The following MRPL40 variants were observed in gnomAD, a reference collection of about 807,000 sequenced individuals.
The protein encoded by MRPL40 is large ribosomal subunit protein mL40.
In MRPL40, 18 loss-of-function variants were observed where a neutral mutation model predicts 24.5. The ratio of observed to expected loss-of-function variants is 0.73; its 90% CI spans 0.51 to 1.09. The LOEUF (loss-of-function observed/expected upper bound fraction) is 1.09. Among genes scored for constraint, MRPL40 ranks in the 50% least tolerant of loss-of-function variants. The pLI is 0.00. For missense variants in MRPL40, 256 were observed against 243.8 expected (o/e 1.05, Z -0.33); for synonymous variants, 108 against 94.6 (o/e 1.14, Z -0.82).
rs925869426 is a variant in MRPL40 at position 19,433,375 on chromosome 22, C to G, written c.137+27C>G. ...TAAAACTCAATCGAGGGCCTGACCT[C>G]TGGGGGTAAAGGTGTCAGTCTATGT... On this transcript the variant is annotated intron_variant, in intron 2 of 3. Coordinates refer to ENST00000333130, the MANE Select transcript of MRPL40 (RefSeq NM_003776.4). The G allele has an allele frequency of 1.8e-5, 26 of 1,419,664 alleles. No individual in the cohort carries two copies. In the East Asian group the frequency reaches 5.7e-4, roughly 31 times the overall value. The allele number at this position is 1,419,664 out of a possible 1,614,324, so 87.9% of individuals were successfully genotyped here.
chr22:19,436,035 A>G lies in MRPL40; in HGVS notation c.*73A>G. The G allele has an allele frequency of 8.3e-7, 1 of 1,210,450 alleles. No homozygotes were observed. The highest frequency in any genetic ancestry group is 1.2e-6 in the Non-Finnish European group (1 of 848,298). 75.0% of individuals were successfully genotyped at this position (1,210,450 alleles called of 1,614,324 possible). A position where few individuals can be genotyped will look rare whatever the true frequency, so the allele number is the denominator to read the frequency against. On this transcript the variant is annotated 3_prime_UTR_variant, in exon 4 of 4. Transcript: ENST00000333130. Reference sequence around the variant, plus strand: ...ACCAGGGTTCAAGTCTGCTTTCCACAGAATCAGGCATGCTGTTAATAAATA... The same window carrying G: ...ACCAGGGTTCAAGTCTGCTTTCCACGGAATCAGGCATGCTGTTAATAAATA...
At position 19,434,761 on chromosome 22, in the gene MRPL40, A is replaced by G. The variant is rs759281616; in HGVS notation, c.163A>G (p.Lys55Glu). The G allele has an allele frequency of 1.6e-5, 26 of 1,593,792 alleles. No individual in the cohort carries two copies. Among genetic ancestry groups the G allele is most frequent in the Middle Eastern group, 3.4e-4 (2 of 5,850 alleles). The change falls in exon 3 of 4, where the codon AAG becomes GAG. Residue 55 changes from lysine to glutamate, a missense_variant. Physicochemically the swap from Lys to Glu is moderately conservative, Grantham distance 56 (BLOSUM62 1). Coordinates refer to ENST00000333130, the MANE Select transcript of MRPL40 (RefSeq NM_003776.4). ...ATCAGAACCTCTTCGAAAAAAGAAGAAGGTAGATCCTAAAAAAGACCAAGA... is the reference window on the plus strand; with the variant it reads ...ATCAGAACCTCTTCGAAAAAAGAAGGAGGTAGATCCTAAAAAAGACCAAGA... ...MRSEPLRKKK[K>E]VDPKKDQEAK...
In MRPL40 at chr22:19,432,591, C is replaced by T; in HGVS notation, c.37C>T (p.Leu13=). 1 of 1,554,226 alleles carries T rather than the reference C, an allele frequency of 6.4e-7. No individual in the cohort carries two copies. The highest frequency in any genetic ancestry group is 1.9e-5 in the Admixed American group (1 of 51,906). Reference sequence around the variant, plus strand: ...CGTGCTGCGAAGTATCTCGCTAGCCCTGCGCCCGACTAGCGGGTGAGTGCG... The same window carrying T: ...CGTGCTGCGAAGTATCTCGCTAGCCTTGCGCCCGACTAGCGGGTGAGTGCG... ...ASVLRSISLA[L]RPTSGLLGTW... is the part of the protein sequence containing the mutation. The change falls in exon 1 of 4, where the codon CTG becomes TTG. Residue 13 remains leucine, a synonymous_variant. Coordinates refer to ENST00000333130, the MANE Select transcript of MRPL40 (RefSeq NM_003776.4).
At chr22:19,432,798 CCTCTGTGGTCTGAACGAAAGATT>C (rs537645020) in intron 1 of MRPL40, 191 bp downstream of exon 1, 1 of 1,374,064 alleles carries the variant, frequency 7.3e-7, no homozygotes, top group South Asian at 1.7e-5. Flanking sequence ...CTGCTTAAGT[CCTCTGTGGTCTGAACGAAAGATT>C]TTGAAAAACC....
chr22:19,432,895 A>G, intron 1 of MRPL40: 2 of 1,282,584 alleles, frequency 1.6e-6, no homozygotes, highest in East Asian at 3.2e-5. Context: ...GAGCATTGCA[A>G]TTTTTTATTT....
chr22:19,433,521 G>GT (rs1272679969), intron 2 of MRPL40, among the ~76,000 whole-genome samples, 173 bp downstream of exon 2: 4 of 152,184 alleles, frequency 2.6e-5, no homozygotes, highest in African/African-American at 9.7e-5. Flanking sequence ...ACCATAGATT[G>GT]TTGTTTGTAA....
intron 1 of MRPL40, 176 bp downstream of exon 1, chr22:19,432,783 C>G (rs12165902): frequency 0.14 from 187,691 of 1,386,158 alleles, 16,410 homozygotes; most frequent in African/African-American, 0.41. Flanking sequence ...TGGCGAGCAG[C>G]GGTCCTGCTT....
At chr22:19,432,676 A>G in intron 1 of MRPL40, 69 bp downstream of exon 1, 9 of 1,492,050 alleles carry the variant, frequency 6.0e-6, no homozygotes, top group African/African-American at 1.4e-5. Context: ...ACTGTCCGCC[A>G]GGACTCGCCT....
At position 19,435,857 on chromosome 22, in the gene MRPL40, G is replaced by A. The variant is rs375750071; in HGVS notation, c.516G>A (p.Glu172=). Reference sequence around the variant, plus strand: ...GGGATCCTAACCTGTTCCCCTTTGAGAAGGAAGGGCCACATTACACACCAC... The same window carrying A: ...GGGATCCTAACCTGTTCCCCTTTGAAAAGGAAGGGCCACATTACACACCAC... ...IKRDPNLFPF[E]KEGPHYTPPI... is the part of the protein sequence containing the mutation. Residue 172 remains glutamate (E), a synonymous_variant, in exon 4 of 4, where the codon GAG becomes GAA. Transcript: ENST00000333130. 14 of 1,614,092 alleles carry A rather than the reference G, an allele frequency of 8.7e-6. No homozygotes were observed. The highest frequency in any genetic ancestry group is 1.2e-5 in the Non-Finnish European group (14 of 1,180,048).
intron 1 of MRPL40, 123 bp from the exon 2 acceptor site, chr22:19,433,142 G>A (rs1019242614): frequency 1.6e-6 from 1 of 616,374 alleles, no homozygotes; most frequent in African/African-American, 1.9e-5. Context: ...GGCCAGGCTG[G>A]TCTTGAACTC....
In MRPL40 at chr22:19,432,681, T is replaced by A. The variant is rs1235875457; in HGVS notation, c.53+74T>A. ...GGTCTTCGCGACTGTCCGCCAGGACTCGCCTGTGCTCCCTGCTCGCCTCCC... is the reference window on the plus strand; with the variant it reads ...GGTCTTCGCGACTGTCCGCCAGGACACGCCTGTGCTCCCTGCTCGCCTCCC... On this transcript the variant is annotated intron_variant, in intron 1 of 3. Coordinates refer to ENST00000333130, the MANE Select transcript of MRPL40 (RefSeq NM_003776.4). The A allele has an allele frequency of 2.0e-6, 3 of 1,479,098 alleles. No individual in the cohort carries two copies. The African/African-American group carries it at 4.3e-5, about 21-fold the overall frequency. 91.6% of individuals were successfully genotyped at this position (1,479,098 alleles called of 1,614,324 possible). A position where few individuals can be genotyped will look rare whatever the true frequency, so the allele number is the denominator to read the frequency against.
Position 19,434,716 on chromosome 22 carries a change from A to G in MRPL40, c.138-20A>G, listed in dbSNP as rs1265927322. 2 of 1,569,186 alleles carry G rather than the reference A, an allele frequency of 1.3e-6. No homozygotes were observed. Among genetic ancestry groups the G allele is most frequent in the South Asian group, 2.4e-5 (2 of 83,854 alleles). On this transcript the variant is annotated intron_variant, in intron 2 of 3. Coordinates refer to ENST00000333130, the MANE Select transcript of MRPL40 (RefSeq NM_003776.4). The stretch of plus-strand genomic sequence containing the variant: ...ATGAGACCAAAGAGGAAAATGTTTA[A>G]TATTTGCTTTATCTATTAGATCAGA...
In MRPL40 at chr22:19,435,992, C is replaced by T; in HGVS notation, c.*30C>T. 2 of 1,560,732 alleles carry T rather than the reference C, an allele frequency of 1.3e-6. No individual in the cohort carries two copies. Among genetic ancestry groups the T allele is most frequent in the Non-Finnish European group, 1.8e-6 (2 of 1,139,690 alleles). ...GCAGGCTGCTATCCTTAACATGCTG[C>T]CCCTGAGAGTAGGAATGACCAGGGT... On this transcript the variant is annotated 3_prime_UTR_variant, in exon 4 of 4. Coordinates refer to ENST00000333130, the MANE Select transcript of MRPL40 (RefSeq NM_003776.4).
chr22:19,432,779 G>A lies in MRPL40; in HGVS notation c.53+172G>A, dbSNP rs558430214. The A allele has an allele frequency of 1.5e-4, 203 of 1,389,420 alleles. 2 individuals carry two copies. The South Asian group carries it at 3.1e-3, about 21-fold the overall frequency. 86.1% of individuals were successfully genotyped at this position (1,389,420 alleles called of 1,614,324 possible). ...CATGAAAATCTGAGCACCCTGGCGA[G>A]CAGCGGTCCTGCTTAAGTCCTCTGT... is the stretch of plus-strand genomic sequence containing the variant. On this transcript the variant is annotated intron_variant, in intron 1 of 3. Coordinates refer to ENST00000333130, the MANE Select transcript of MRPL40 (RefSeq NM_003776.4).
intron 2 of MRPL40, 26 bp from the exon 3 acceptor site, chr22:19,434,710 T>C (rs2089575352): frequency 6.4e-7 from 1 of 1,561,060 alleles, no homozygotes; most frequent in South Asian, 1.2e-5. Context: ...AAGAGGAAAA[T>C]GTTTAATATT....
chr22:19,434,863 A>G lies in MRPL40; in HGVS notation c.265A>G (p.Ile89Val). The change falls in exon 3 of 4, where the codon ATT becomes GTT. Residue 89 changes from isoleucine (I) to valine (V), a missense_variant. Coordinates refer to ENST00000333130, the MANE Select transcript of MRPL40 (RefSeq NM_003776.4). ...AGAGCTAATTCCTATTGAAGATTTT[A>G]TTACCCCTCTAAAGTTCTTGGATAA... ...TQELIPIEDF[I>V]TPLKFLDKAR... 6.2e-7 allele frequency: 1 copy of G among 1,604,092 alleles called. No individual in the cohort carries two copies. Among genetic ancestry groups the G allele is most frequent in the Non-Finnish European group, 8.5e-7 (1 of 1,177,642 alleles).
intron 3 of MRPL40, 110 bp from the exon 4 acceptor site, chr22:19,435,528 C>A: frequency 1.9e-6 from 2 of 1,030,604 alleles, no homozygotes; most frequent in Non-Finnish European, 2.9e-6. Context: ...TTGTCCCAAA[C>A]TTGTTTTATC....
Position 19,435,855 on chromosome 22 carries a change from G to C in MRPL40, c.514G>C (p.Glu172Gln). 2 of 1,614,196 alleles carry C rather than the reference G, an allele frequency of 1.2e-6. No individual in the cohort carries two copies. Among genetic ancestry groups the C allele is most frequent in the South Asian group, 1.1e-5 (1 of 91,078 alleles). The change falls in exon 4 of 4, where the codon GAG (glutamate) becomes CAG (glutamine). Residue 172 changes from glutamate (E) to glutamine (Q), a missense_variant. By Grantham distance (29) the Glu-to-Gln change is conservative (BLOSUM62 2). Transcript: ENST00000333130. ...IKRDPNLFPF[E>Q]KEGPHYTPPI... ...GCGGGATCCTAACCTGTTCCCCTTT[G>C]AGAAGGAAGGGCCACATTACACACC...
rs1227621831 is a variant in MRPL40 at position 19,434,788 on chromosome 22, G to A, written c.190G>A (p.Ala64Thr). 1 of 1,611,670 alleles carries A rather than the reference G, an allele frequency of 6.2e-7. No homozygotes were observed. Among genetic ancestry groups the A allele is most frequent in the African/African-American group, 1.3e-5 (1 of 74,710 alleles). ...GGTAGATCCTAAAAAAGACCAAGAA[G>A]CAAAGGAGCGCTTGAAAAGGAAGAT... ...KKVDPKKDQE[A>T]KERLKRKIRK... The change falls in exon 3 of 4, where the codon GCA becomes ACA. Residue 64 changes from alanine (A) to threonine (T), a missense_variant. Ala to Thr is a moderately conservative substitution (Grantham distance 58). Transcript: ENST00000333130.
Sources: allele counts gnomAD v4.1 joint callset (sites outside exome capture counted in the v4.1 genomes callset), GRCh38; gene constraint gnomAD v4.1.1; transcripts MANE v1.5; gene names NCBI Gene and HGNC (gene_info 2026-07-23, HGNC 2026-07-21).